The following NCS1 variants were observed in gnomAD, a reference collection of about 807,000 sequenced individuals.
The protein encoded by NCS1 is neuronal calcium sensor 1, also known as frequenin homolog.
In NCS1, 6 loss-of-function variants were observed where a neutral mutation model predicts 28.4. That is an observed-to-expected ratio of 0.21 (90% CI 0.12 to 0.42). The LOEUF is 0.42. Ranked by LOEUF, NCS1 falls within the 10% of genes least tolerant of loss-of-function variation. The pLI, the probability that NCS1 is intolerant of heterozygous loss-of-function variation, is 1.00. For missense variants in NCS1, 131 were observed against 241.4 expected, an observed-to-expected ratio of 0.54 and a Z score of 3.03; for synonymous variants, 86 against 99.3, an observed-to-expected ratio of 0.87 and a Z score of 0.79.
Position 130,219,505 on chromosome 9 carries a change from G to A in NCS1, c.229-220G>A, listed in dbSNP as rs1325365307. On this transcript the variant is annotated intron_variant, in intron 3 of 7. Transcript: ENST00000372398. The surrounding 1 kb of genome is among the most constrained non-coding windows in gnomAD (Gnocchi z 5.7). ...TCCTTCTTCCTGTGCCTCCCTCCTGGCCTCTCCCACTTCTAACCCCCCACA... is the reference window on the plus strand; with the variant it reads ...TCCTTCTTCCTGTGCCTCCCTCCTGACCTCTCCCACTTCTAACCCCCCACA... Among the ~76,000 whole-genome samples the A allele has an allele frequency of 6.6e-6, 1 of 151,876 alleles. No homozygotes were observed. The highest frequency in any genetic ancestry group is 2.4e-5 in the African/African-American group (1 of 41,320).
At position 130,172,662 on chromosome 9, in the gene NCS1, G is replaced by A. The variant is rs566693112; in HGVS notation, c.-2G>A. On this transcript the variant is annotated 5_prime_UTR_variant, in exon 1 of 8. Coordinates refer to ENST00000372398, the MANE Select transcript of NCS1 (RefSeq NM_014286.4). ...GGGGGGCGGGGGCCGCGGCCGCCGA[G>A]GATGGGGAAATCCAACAGCAAGTTG... The A allele has an allele frequency of 3.0e-5, 44 of 1,484,278 alleles. No homozygotes were observed. In the South Asian group the frequency reaches 5.1e-4, roughly 17 times the overall value. 91.9% of individuals were successfully genotyped at this position (1,484,278 alleles called of 1,614,324 possible).
At position 130,226,818 on chromosome 9, in the gene NCS1, A is replaced by C. The variant is rs931286391; in HGVS notation, c.*17+314A>C. ...GAAGCAGGCGGATCACCAGGTCAGG[A>C]GTTCAAGACCAGCCTGACCAACATG... On this transcript the variant is annotated intron_variant, in intron 7 of 7. Transcript: ENST00000372398. This position sits in a 1 kb window ranked among gnomAD's most constrained non-coding sequence, Gnocchi z 4.8. Among the ~76,000 whole-genome samples the C allele has an allele frequency of 1.3e-5, 2 of 152,054 alleles. No individual in the cohort carries two copies. Among genetic ancestry groups the C allele is most frequent in the African/African-American group, 4.8e-5 (2 of 41,412 alleles).
chr9:130,231,276 A>T (rs1833498178), intron 7 of NCS1, among the ~76,000 whole-genome samples: 1 of 151,910 alleles, frequency 6.6e-6, no homozygotes, highest in Admixed American at 6.6e-5. Flanking sequence ...TGCTTGAACC[A>T]GGGAGGGTGA....
At chr9:130,200,604 G>A (rs1554907348) in intron 1 of NCS1, 1 of 1,551,792 alleles carries the variant, frequency 6.4e-7, no homozygotes, top group Admixed American at 2.0e-5. Flanking sequence ...ATTGAGAGAT[G>A]GCAACGAGTA....
rs543448442 is a variant in NCS1, at chr9:130,210,527, C to A, written c.90-7305C>A. ...CGAGGTAACGGGGGTTGGGCTGTCC[C>A]TGGCCACTGGCTCTGGTGTTTGTGG... On this transcript the variant is annotated intron_variant, in intron 2 of 7. Transcript: ENST00000372398. Among the ~76,000 whole-genome samples the A allele has an allele frequency of 1.4e-4, 22 of 152,228 alleles. No individual in the cohort carries two copies. The East Asian group carries it at 2.3e-3, about 16-fold the overall frequency.
chr9:130,187,813 T>G (rs1428427749), intron 1 of NCS1, among the ~76,000 whole-genome samples: 3 of 152,216 alleles, frequency 2.0e-5, no homozygotes, highest in Non-Finnish European at 4.4e-5. Context: ...GGCTCCCTGC[T>G]CTACCGGCTA....
At chr9:130,213,594 CTTTTT>C (rs1322417390) in intron 2 of NCS1, among the ~76,000 whole-genome samples, 2 of 136,834 alleles carry the variant, frequency 1.5e-5, no homozygotes, top group Non-Finnish European at 3.1e-5. Context: ...GTTTTCTTTT[CTTTTT>C]TTTTGAGATG....
chr9:130,218,103 T>C (rs2131150871), intron 3 of NCS1, 133 bp downstream of exon 3: 1 of 1,164,138 alleles, frequency 8.6e-7, no homozygotes, highest in Non-Finnish European at 1.3e-6. Context: ...CATACTGACA[T>C]GCACAGATAC....
At chr9:130,210,875 G>T (rs1341063956) in intron 2 of NCS1, among the ~76,000 whole-genome samples, 7 of 138,386 alleles carry the variant, frequency 5.1e-5, no homozygotes, top group African/African-American at 1.6e-4. Context: ...GTCTGGCTTT[G>T]TTGCCCAGGC....
At position 130,172,622 on chromosome 9, in the gene NCS1, A is replaced by C. The variant is rs1554904166; in HGVS notation, c.-42A>C. 4 of 1,288,394 alleles carry C rather than the reference A, an allele frequency of 3.1e-6. No individual in the cohort carries two copies. Among genetic ancestry groups the C allele is most frequent in the African/African-American group, 1.6e-5 (1 of 61,264 alleles). 79.8% of individuals were successfully genotyped at this position (1,288,394 alleles called of 1,614,324 possible). A position where few individuals can be genotyped will look rare whatever the true frequency, so the allele number is the denominator to read the frequency against. Reference sequence around the variant, plus strand: ...CCAGCCGCTCCTGCTGGGCGCCCCAACCGGGTCCGGCCCGGGGGGGCGGGG... The same window carrying C: ...CCAGCCGCTCCTGCTGGGCGCCCCACCCGGGTCCGGCCCGGGGGGGCGGGG... On this transcript the variant is annotated 5_prime_UTR_variant, in exon 1 of 8. Transcript: ENST00000372398.
intron 1 of NCS1, among the ~76,000 whole-genome samples, chr9:130,173,769 C>G (rs564752174): frequency 6.6e-6 from 1 of 152,280 alleles, no homozygotes; most frequent in African/African-American, 2.4e-5. Flanking sequence ...GACCGCCAGC[C>G]CCATGTGTTG....
rs143258445 is a variant in NCS1 at position 130,191,709 on chromosome 9, G to A, written c.65-9249G>A. ...GCCGGGCAGACCGCAGTCAGCACCC[G>A]ATGGCGACAGTGGCCGTCACAGCTG... On this transcript the variant is annotated intron_variant, in intron 1 of 7. Transcript: ENST00000372398. The surrounding 1 kb of genome is among the most constrained non-coding windows in gnomAD (Gnocchi z 6.4). Among the ~76,000 whole-genome samples the A allele has an allele frequency of 9.5e-3, 1,446 of 152,360 alleles. 14 individuals carry two copies. Among genetic ancestry groups the A allele is most frequent in the Middle Eastern group, 0.034 (10 of 294 alleles).
At position 130,191,007 on chromosome 9, in the gene NCS1, C is replaced by G. The variant is rs1554906203; in HGVS notation, c.65-9951C>G. ...ACAGCTTCCCATCTTGGTGTCTGCC[C>G]CAAGGCCTGGCCCTCTGACTTTTAT... On this transcript the variant is annotated intron_variant, in intron 1 of 7. Transcript: ENST00000372398. The surrounding 1 kb of genome is among the most constrained non-coding windows in gnomAD (Gnocchi z 6.4). Among the ~76,000 whole-genome samples, 1 of 152,216 alleles carries G rather than the reference C, an allele frequency of 6.6e-6. No individual in the cohort carries two copies. The highest frequency in any genetic ancestry group is 1.5e-5 in the Non-Finnish European group (1 of 68,030).
chr9:130,185,298 G>A (rs1832724447), intron 1 of NCS1, among the ~76,000 whole-genome samples: 1 of 152,288 alleles, frequency 6.6e-6, no homozygotes, highest in African/African-American at 2.4e-5. Context: ...CTAGAACAGA[G>A]CCTGTGCATA....
rs1485771615 is a variant in NCS1 at position 130,191,485 on chromosome 9, A to T, written c.65-9473A>T. Among the ~76,000 whole-genome samples the T allele has an allele frequency of 6.6e-6, 1 of 152,006 alleles. No homozygotes were observed. The highest frequency in any genetic ancestry group is 2.4e-5 in the African/African-American group (1 of 41,402). ...GCCCGGAGGCTCTGGCATCTTTTAC[A>T]TGGAGGCGAGGCAGCCGTGGGGATG... On this transcript the variant is annotated intron_variant, in intron 1 of 7. Coordinates refer to ENST00000372398, the MANE Select transcript of NCS1 (RefSeq NM_014286.4). This position sits in a 1 kb window ranked among gnomAD's most constrained non-coding sequence, Gnocchi z 6.4.
At chr9:130,196,119 C>T (rs1386699009) in intron 1 of NCS1, among the ~76,000 whole-genome samples, 1 of 152,188 alleles carries the variant, frequency 6.6e-6, no homozygotes, top group African/African-American at 2.4e-5. Context: ...CCCCCATCTC[C>T]CTCCCTCCCA....
rs1442907958 is a variant in NCS1, at chr9:130,181,934, G to A, written c.64+9207G>A. 1.3e-5 allele frequency among the ~76,000 whole-genome samples: 2 copies of A among 152,182 alleles called. No individual in the cohort carries two copies. Among genetic ancestry groups the A allele is most frequent in the Admixed American group, 6.5e-5 (1 of 15,296 alleles). ...AAATGTAGGTGTGCCTGGGGGTGGG[G>A]GACGCTGGGGAGGGAGGCACAGACA... On this transcript the variant is annotated intron_variant, in intron 1 of 7. Coordinates refer to ENST00000372398, the MANE Select transcript of NCS1 (RefSeq NM_014286.4). The surrounding 1 kb of genome is among the most constrained non-coding windows in gnomAD (Gnocchi z 5.0).
intron 2 of NCS1, among the ~76,000 whole-genome samples, chr9:130,205,555 A>AAT (rs10654658): frequency 1.3e-5 from 2 of 149,678 alleles, no homozygotes; most frequent in Admixed American, 1.3e-4. Flanking sequence ...AAAAAAAAAA[A>AAT]GCCTGGGCAC....
rs1554906548 is a variant in NCS1 at position 130,194,343 on chromosome 9, A to AGGCTGTGGGCACCGCGGATGCTTCCT, written c.65-6598_65-6597insATGCTTCCTGGCTGTGGGCACCGCGG. ...CAGGAGCGCTGCCGGGGTGGAAAGG[A>AGGCTGTGGGCACCGCGGATGCTTCCT]GGCTGTGGGCACCGCGGGTGCTTCC... On this transcript the variant is annotated intron_variant, in intron 1 of 7. Transcript: ENST00000372398. 2.5e-3 allele frequency among the ~76,000 whole-genome samples: 369 copies of AGGCTGTGGGCACCGCGGATGCTTCCT among 150,480 alleles called. 2 individuals are homozygous for AGGCTGTGGGCACCGCGGATGCTTCCT. Among genetic ancestry groups the AGGCTGTGGGCACCGCGGATGCTTCCT allele is most frequent in the African/African-American group, 8.7e-3 (355 of 40,882 alleles).
Sources: gnomAD v4.1 joint callset for allele counts (sites outside exome capture counted in the v4.1 genomes callset) on GRCh38, gnomAD v4.1.1 for gene constraint, Gnocchi (gnomAD v3.1) non-coding constraint, MANE v1.5 for transcripts, NCBI Gene and HGNC (gene_info 2026-07-23, HGNC 2026-07-21) for gene names.